The following PDXK variants were observed in gnomAD, a reference collection of about 807,000 sequenced individuals.
PDXK encodes epididymis secretory sperm binding protein Li 1a.
In PDXK, 15 loss-of-function variants were observed where a neutral mutation model predicts 43.2. The ratio of observed to expected loss-of-function variants is 0.35; its 90% CI spans 0.23 to 0.53. PDXK has a LOEUF of 0.53. Ranked by LOEUF, PDXK falls within the 20% of genes least tolerant of loss-of-function variation. The pLI is 0.92. For synonymous variants in PDXK, 172 were observed against 165.4 expected (o/e 1.04, Z -0.31); for missense variants, 343 against 417.0 (o/e 0.82, Z 1.54).
rs2083393865 is a variant in PDXK at position 43,735,953 on chromosome 21, G to A, written c.142+1830G>A. On this transcript the variant is annotated intron_variant, in intron 2 of 10. Coordinates refer to ENST00000291565, the MANE Select transcript of PDXK (RefSeq NM_003681.5). This position sits in a 1 kb window ranked among gnomAD's most constrained non-coding sequence, Gnocchi z 5.3. ...GGTGCATCGTGTACCTGCCCTGGGT[G>A]CCACGGGAGCTGGTGGTCAAGACGG... 6.6e-6 allele frequency among the ~76,000 whole-genome samples: 1 copy of A among 152,156 alleles called. No individual in the cohort carries two copies. Among genetic ancestry groups the A allele is most frequent in the South Asian group, 2.1e-4 (1 of 4,830 alleles).
intron 8 of PDXK, among the ~76,000 whole-genome samples, chr21:43,753,360 G>A (rs1035336903): frequency 5.9e-5 from 9 of 152,280 alleles, no homozygotes; most frequent in Non-Finnish European, 8.8e-5. Flanking sequence ...CCCCCGAGGC[G>A]GCCTGACCGT....
chr21:43,747,584 T>C (rs559133738), intron 5 of PDXK, among the ~76,000 whole-genome samples: 4 of 152,370 alleles, frequency 2.6e-5, no homozygotes, highest in African/African-American at 9.6e-5. Context: ...GAAGGTTCCC[T>C]GTCCTGCGCC....
At chr21:43,728,975 T>A in intron 1 of PDXK, 1 of 985,632 alleles carries the variant, frequency 1.0e-6, no homozygotes, top group Non-Finnish European at 1.2e-6. Context: ...CTGACTGGCT[T>A]TCTCTCTCGG....
intron 4 of PDXK, among the ~76,000 whole-genome samples, chr21:43,745,216 T>C (rs1316271781): frequency 6.6e-6 from 1 of 152,084 alleles, no homozygotes; most frequent in East Asian, 1.9e-4. Flanking sequence ...AGTCAGGTGT[T>C]CGAGATCAGC....
At chr21:43,745,929 C>A in intron 4 of PDXK, 150 bp from the exon 5 acceptor site, 1 of 679,428 alleles carries the variant, frequency 1.5e-6, no homozygotes, top group East Asian at 2.8e-5. Flanking sequence ...CCTGGAAGAT[C>A]GAGGTTGCAG....
At chr21:43,720,267 G>A (rs1333274412) in intron 1 of PDXK, among the ~76,000 whole-genome samples, 4 of 152,202 alleles carry the variant, frequency 2.6e-5, no homozygotes. Context: ...GTGCTCTCCT[G>A]TGCTGCCCAC....
chr21:43,746,170 C>T, intron 5 of PDXK, 45 bp downstream of exon 5: 1 of 1,479,864 alleles, frequency 6.8e-7, no homozygotes, highest in Non-Finnish European at 9.5e-7. Flanking sequence ...GTGAGTGGAG[C>T]TATTCCTGTC....
intron 6 of PDXK, 112 bp from the exon 7 acceptor site, chr21:43,750,388 G>GC: frequency 1.1e-6 from 1 of 930,000 alleles, no homozygotes; most frequent in Non-Finnish European, 1.7e-6. Context: ...AGAGTTAGCT[G>GC]CCTGTGGGGA....
In PDXK at chr21:43,734,051, T is replaced by A. The variant is rs369615417; in HGVS notation, c.88-18T>A. The A allele has an allele frequency of 3.1e-6, 5 of 1,613,900 alleles. No individual in the cohort carries two copies. Among genetic ancestry groups the A allele is most frequent in the Non-Finnish European group, 4.2e-6 (5 of 1,179,736 alleles). ...ACCTGGCTCTCTTACGCCTACCTGT[T>A]CCTTCTCTGTCTTGCAGGTTTTGGG... On this transcript the variant is annotated intron_variant, in intron 1 of 10. Coordinates refer to ENST00000291565, the MANE Select transcript of PDXK (RefSeq NM_003681.5). The surrounding 1 kb of genome is among the most constrained non-coding windows in gnomAD (Gnocchi z 5.0).
rs1568995977 is a variant in PDXK, at chr21:43,756,166, AT to A, written c.*110del. On this transcript the variant is annotated 3_prime_UTR_variant, in exon 11 of 11. Coordinates refer to ENST00000291565, the MANE Select transcript of PDXK (RefSeq NM_003681.5). ...CTTAGAGCCATGACCGAAACTTGAT[AT>A]TTTTTTCTTTCATGAGTGTCCGGCA... 4.5e-6 allele frequency: 3 copies of A among 663,744 alleles called. No individual in the cohort carries two copies. Among genetic ancestry groups the A allele is most frequent in the Middle Eastern group, 3.5e-4 (1 of 2,890 alleles). The allele number at this position is 663,744 out of a possible 1,614,324, so 41.1% of individuals were successfully genotyped here.
rs370764393 is a variant in PDXK, at chr21:43,753,665, C to G, written c.705C>G (p.Asp235Glu). The change falls in exon 9 of 11, where the codon GAC becomes GAG. Residue 235 changes from aspartate (D) to glutamate (E), a missense_variant. By Grantham distance (45) the Asp-to-Glu change is conservative. Transcript: ENST00000291565. ...ACGCCGTCTTTGTGGGCACTGGGGA[C>G]CTGTTTGCTGCCATGCTCCTGGCGT... ...KVDAVFVGTG[D>E]LFAAMLLAWT... is the part of the protein sequence containing the mutation. 2 of 1,613,674 alleles carry G rather than the reference C, an allele frequency of 1.2e-6. No individual in the cohort carries two copies. Among genetic ancestry groups the G allele is most frequent in the Non-Finnish European group, 1.7e-6 (2 of 1,179,790 alleles).
Position 43,754,612 on chromosome 21 carries a change from C to T in PDXK, c.759+893C>T, listed in dbSNP as rs970124577. On this transcript the variant is annotated intron_variant, in intron 9 of 10. Coordinates refer to ENST00000291565, the MANE Select transcript of PDXK (RefSeq NM_003681.5). This position sits in a 1 kb window ranked among gnomAD's most constrained non-coding sequence, Gnocchi z 5.5. Reference sequence around the variant, plus strand: ...CCCCAAAACTCCCCTGGGTACTTCCCACTGCGTCCGCAGTGGGTTCAGGTG... The same window carrying T: ...CCCCAAAACTCCCCTGGGTACTTCCTACTGCGTCCGCAGTGGGTTCAGGTG... 4.7e-4 allele frequency among the ~76,000 whole-genome samples: 72 copies of T among 152,312 alleles called. 1 individual carries two copies. Among genetic ancestry groups the T allele is most frequent in the African/African-American group, 1.6e-3 (67 of 41,580 alleles).
rs1314248395 is a variant in PDXK, at chr21:43,758,377, A to G, written c.*2314A>G. ...AGGCCTGGGCTGCGACTAAGGAGAA[A>G]GAAATCGGGGGTTTCTGAGAGCAGA... On this transcript the variant is annotated 3_prime_UTR_variant, in exon 11 of 11. Coordinates refer to ENST00000291565, the MANE Select transcript of PDXK (RefSeq NM_003681.5). 1.3e-5 allele frequency: 2 copies of G among 153,552 alleles called. No homozygotes were observed. The highest frequency in any genetic ancestry group is 2.9e-5 in the Non-Finnish European group (2 of 68,068). 9.5% of individuals were successfully genotyped at this position (153,552 alleles called of 1,614,324 possible).
At chr21:43,719,745 C>T (rs1011849067) in intron 1 of PDXK, 1 of 985,348 alleles carries the variant, frequency 1.0e-6, no homozygotes, top group Admixed American at 6.1e-5. Flanking sequence ...GAGGAAATGT[C>T]GCAGAGCCCC....
chr21:43,733,928 G>A (rs891685230), intron 1 of PDXK, 141 bp from the exon 2 acceptor site: 13 of 763,392 alleles, frequency 1.7e-5, no homozygotes, highest in South Asian at 1.5e-5. Flanking sequence ...GCTCTGATGC[G>A]TCAGCCCTCC....
chr21:43,722,682 G>A (rs1360232091), intron 1 of PDXK, among the ~76,000 whole-genome samples: 1 of 151,854 alleles, frequency 6.6e-6, no homozygotes, highest in Non-Finnish European at 1.5e-5. Flanking sequence ...CAGGCTTCTG[G>A]GGCTCACGGC....
At chr21:43,744,462 GC>G (rs2083602021) in intron 4 of PDXK, 1 of 154,496 alleles carries the variant, frequency 6.5e-6, no homozygotes, top group African/African-American at 2.4e-5. Flanking sequence ...GTGTACTGTT[GC>G]CCAAAAGGAG....
At chr21:43,726,635 T>A (rs187152049) in intron 1 of PDXK, among the ~76,000 whole-genome samples, 11 of 152,286 alleles carry the variant, frequency 7.2e-5, no homozygotes, top group African/African-American at 2.6e-4. Flanking sequence ...CTTGAACTCC[T>A]GACCTCAGGC....
At chr21:43,725,052 A>G (rs1288672620) in intron 1 of PDXK, among the ~76,000 whole-genome samples, 2 of 151,904 alleles carry the variant, frequency 1.3e-5, no homozygotes, top group Non-Finnish European at 2.9e-5. Context: ...GGCTGGGTGC[A>G]GTGGCTCACG....
Sources: allele counts gnomAD v4.1 joint callset (sites outside exome capture counted in the v4.1 genomes callset), GRCh38; gene constraint gnomAD v4.1.1; non-coding constraint Gnocchi (gnomAD v3.1); transcripts MANE v1.5; gene names NCBI Gene and HGNC (gene_info 2026-07-23, HGNC 2026-07-21).